PHF20: variants seen among roughly 807,000 people sequenced by gnomAD.
The protein encoded by PHF20 is PHD finger protein 20.
A neutral mutation model predicts 113.5 loss-of-function variants in PHF20; 23 were observed. The ratio of observed to expected loss-of-function variants is 0.20; its 90% CI spans 0.15 to 0.29. The LOEUF (loss-of-function observed/expected upper bound fraction) is 0.29. Ranked by LOEUF, PHF20 falls within the 10% of genes least tolerant of loss-of-function variation. PHF20 has a pLI of 1.00. For missense variants in PHF20, 943 were observed against 1,219.6 expected (o/e 0.77, Z 3.38); for synonymous variants, 434 against 457.3 (o/e 0.95, Z 0.65).
In PHF20 at chr20:35,863,216, G is replaced by A. The variant is rs369447419; in HGVS notation, c.624G>A (p.Val208=). The A allele has an allele frequency of 2.9e-5, 47 of 1,613,888 alleles. No individual in the cohort carries two copies. The highest frequency in any genetic ancestry group is 3.3e-5 in the Non-Finnish European group (39 of 1,180,010). ...GKLICSEKGK[V]SEKSLPKNEK... ...TAATCTGTTCTGAAAAGGGGAAAGT[G>A]TCAGAGAAAAGTCTTCCCAAGAACG... The change falls in exon 6 of 18, where the codon GTG becomes GTA. Residue 208 remains valine (V), a synonymous_variant. Coordinates refer to ENST00000374012, the MANE Select transcript of PHF20 (RefSeq NM_016436.5).
chr20:35,935,083 G>A (rs2055839349), intron 15 of PHF20, among the ~76,000 whole-genome samples: 1 of 151,770 alleles, frequency 6.6e-6, no homozygotes, highest in Non-Finnish European at 1.5e-5. Flanking sequence ...CTGGTCAAGT[G>A]ATCTACCTGC....
At position 35,801,550 on chromosome 20, in the gene PHF20, G is replaced by A; in HGVS notation, c.28G>A (p.Gly10Arg). 1 of 1,613,854 alleles carries A rather than the reference G, an allele frequency of 6.2e-7. No homozygotes were observed. Among genetic ancestry groups the A allele is most frequent in the Non-Finnish European group, 8.5e-7 (1 of 1,179,804 alleles). MTKHPPNRR[G>R]ISFEVGAQLE... ...GACAAAGCATCCACCTAACAGACGAGGAATCAGCTTTGAAGTGGGAGCCCA... is the reference window on the plus strand; with the variant it reads ...GACAAAGCATCCACCTAACAGACGAAGAATCAGCTTTGAAGTGGGAGCCCA... The change falls in exon 2 of 18, where the codon GGA becomes AGA. Residue 10 changes from glycine to arginine, a missense_variant. Coordinates refer to ENST00000374012, the MANE Select transcript of PHF20 (RefSeq NM_016436.5).
At chr20:35,923,998 C>A (rs2055570721) in intron 13 of PHF20, among the ~76,000 whole-genome samples, 1 of 151,968 alleles carries the variant, frequency 6.6e-6, no homozygotes. Flanking sequence ...TCAAATGACC[C>A]TTCCTCCTCA....
At chr20:35,804,516 G>T (rs894267540) in intron 2 of PHF20, among the ~76,000 whole-genome samples, 1 of 152,004 alleles carries the variant, frequency 6.6e-6, no homozygotes, top group Admixed American at 6.6e-5. Flanking sequence ...GATTACAGGC[G>T]TGAGCCACCG....
At chr20:35,774,298 C>G (rs2041128753) in intron 1 of PHF20, among the ~76,000 whole-genome samples, 2 of 152,044 alleles carry the variant, frequency 1.3e-5, no homozygotes, top group African/African-American at 2.4e-5. Flanking sequence ...GTCTCGATCT[C>G]CTGACCTCGT....
chr20:35,947,720 G>T lies in PHF20; in HGVS notation c.*93G>T, dbSNP rs1308502735. ...AATAAATAAACCTAGCATGCTGAAT[G>T]CACGTGACACCGACTGACTTCAGGG... On this transcript the variant is annotated 3_prime_UTR_variant, in exon 18 of 18. Transcript: ENST00000374012. 19 of 1,304,202 alleles carry T rather than the reference G, an allele frequency of 1.5e-5. No homozygotes were observed. The highest frequency in any genetic ancestry group is 2.0e-5 in the Admixed American group (1 of 50,508). The allele number at this position is 1,304,202 out of a possible 1,614,324, so 80.8% of individuals were successfully genotyped here.
intron 4 of PHF20, among the ~76,000 whole-genome samples, chr20:35,854,750 A>G (rs2425170): frequency 0.23 from 34,221 of 152,000 alleles, 4,236 homozygotes; most frequent in South Asian, 0.37. Flanking sequence ...TTGGAATTAG[A>G]CTGAGGAGCT....
intron 10 of PHF20, among the ~76,000 whole-genome samples, chr20:35,910,241 G>A (rs1249655126): frequency 2.6e-5 from 4 of 152,130 alleles, no homozygotes; most frequent in Non-Finnish European, 5.9e-5. Flanking sequence ...GATGCAGGTT[G>A]GTGGGGCTGA....
intron 6 of PHF20, among the ~76,000 whole-genome samples, chr20:35,866,074 G>T (rs1213166210): frequency 6.6e-6 from 1 of 152,064 alleles, no homozygotes; most frequent in East Asian, 1.9e-4. Context: ...GATGAGCGTG[G>T]TGGCATGCAC....
At chr20:35,931,667 T>C (rs776591493) in intron 15 of PHF20, among the ~76,000 whole-genome samples, 20 of 152,204 alleles carry the variant, frequency 1.3e-4, no homozygotes, top group South Asian at 4.1e-4. Flanking sequence ...TAAGAGTTCA[T>C]TGAGGCCGGG....
At chr20:35,788,765 A>G (rs1382280689) in intron 1 of PHF20, among the ~76,000 whole-genome samples, 1 of 151,160 alleles carries the variant, frequency 6.6e-6, no homozygotes, top group African/African-American at 2.4e-5. Flanking sequence ...TTTACTAGAG[A>G]TGGGGTTTTG....
At chr20:35,888,345 T>C (rs968518246) in intron 9 of PHF20, among the ~76,000 whole-genome samples, 21 of 152,082 alleles carry the variant, frequency 1.4e-4, no homozygotes, top group Non-Finnish European at 2.8e-4. Flanking sequence ...CAAAGTATAG[T>C]AGTAATTTAG....
At chr20:35,899,240 A>G (rs2055047820) in intron 9 of PHF20, 130 bp from the exon 10 acceptor site, 4 of 679,388 alleles carry the variant, frequency 5.9e-6, no homozygotes, top group Non-Finnish European at 9.9e-6. Flanking sequence ...TGAGGAGGTA[A>G]TGGCAGTCTG....
chr20:35,791,216 G>A (rs2041540228), intron 1 of PHF20, among the ~76,000 whole-genome samples: 1 of 152,036 alleles, frequency 6.6e-6, no homozygotes, highest in Non-Finnish European at 1.5e-5. Context: ...TATCACTGTA[G>A]CAGCAGTGAT....
At chr20:35,877,308 G>T (rs1473978582) in intron 9 of PHF20, among the ~76,000 whole-genome samples, 1 of 131,666 alleles carries the variant, frequency 7.6e-6, no homozygotes, top group Non-Finnish European at 1.6e-5. Context: ...AAAAAAGAGT[G>T]AGACTCCATC....
At chr20:35,899,234 G>A in intron 9 of PHF20, 136 bp from the exon 10 acceptor site, 1 of 642,960 alleles carries the variant, frequency 1.6e-6, no homozygotes, top group Non-Finnish European at 2.7e-6. Flanking sequence ...GTAATTTGAG[G>A]AGGTAATGGC....
chr20:35,886,302 CT>C (rs34330514), intron 9 of PHF20, among the ~76,000 whole-genome samples: 12 of 150,768 alleles, frequency 8.0e-5, no homozygotes, highest in Admixed American at 7.9e-4. Flanking sequence ...CCATGCCCAG[CT>C]TTTTTTTTGT....
chr20:35,902,914 G>GAGT (rs2055124465), intron 10 of PHF20, among the ~76,000 whole-genome samples: 1 of 151,980 alleles, frequency 6.6e-6, no homozygotes, highest in Admixed American at 6.6e-5. Flanking sequence ...TCAGAGATCT[G>GAGT]AGTTCTGAAC....
intron 1 of PHF20, among the ~76,000 whole-genome samples, chr20:35,796,169 C>T (rs569155209): frequency 6.6e-5 from 10 of 151,758 alleles, no homozygotes; most frequent in South Asian, 6.2e-4. Context: ...TTTTTTTATG[C>T]GGGTTTTGTT....
Sources: allele counts gnomAD v4.1 joint callset (sites outside exome capture counted in the v4.1 genomes callset), GRCh38; gene constraint gnomAD v4.1.1; transcripts MANE v1.5; gene names NCBI Gene and HGNC (gene_info 2026-07-23, HGNC 2026-07-21).